CHD2: variants seen among roughly 807,000 people sequenced by gnomAD.
CHD2 encodes the protein chromodomain helicase DNA binding protein 2.
CHD2 carries 28 observed loss-of-function variants against 243.9 expected under a neutral mutation model. The observed-to-expected ratio is 0.11, with a 90% CI of 0.09 to 0.16. The LOEUF is 0.16. CHD2 is among the 10% of genes least tolerant of loss of function. The probability of loss-of-function intolerance (pLI) is 1.00; values close to 1 mark genes in which losing one functional copy is unlikely to be tolerated. For synonymous variants in CHD2, 775 were observed against 779.0 expected (o/e 0.99, Z 0.09); for missense variants, 1,386 against 2,209.8 (o/e 0.63, Z 7.47).
At chr15:92,935,167 C>G (rs1233297841) in intron 5 of CHD2, among the ~76,000 whole-genome samples, 1 of 151,980 alleles carries the variant, frequency 6.6e-6, no homozygotes, top group African/African-American at 2.4e-5. Flanking sequence ...TCCAGAGTAG[C>G]TGGGACTACG....
chr15:92,922,891 A>C (rs1329783601), intron 2 of CHD2, among the ~76,000 whole-genome samples: 1 of 151,918 alleles, frequency 6.6e-6, no homozygotes, highest in Non-Finnish European at 1.5e-5. Flanking sequence ...TTGATACTCT[A>C]TCACCCCTCA....
At chr15:92,908,247 G>A (rs1182458809) in intron 2 of CHD2, among the ~76,000 whole-genome samples, 3 of 151,930 alleles carry the variant, frequency 2.0e-5, no homozygotes, top group African/African-American at 7.3e-5. Flanking sequence ...CTGCTCCATG[G>A]ATATAAATGT....
chr15:92,947,940 A>G (rs1399896083), intron 12 of CHD2, among the ~76,000 whole-genome samples: 3 of 152,228 alleles, frequency 2.0e-5, no homozygotes, highest in African/African-American at 7.2e-5. Flanking sequence ...CTTTTTGGCC[A>G]TGTAACTTTG....
intron 8 of CHD2, among the ~76,000 whole-genome samples, 163 bp from the exon 9 acceptor site, chr15:92,942,680 G>T (rs542978393): frequency 4.4e-4 from 67 of 152,206 alleles, no homozygotes; most frequent in African/African-American, 1.5e-3. Context: ...TGAAATTTTT[G>T]ATTGAGTCCG....
At chr15:92,961,902 G>A (rs369671786) in intron 16 of CHD2, among the ~76,000 whole-genome samples, 2 of 30,104 alleles carry the variant, frequency 6.6e-5, no homozygotes, top group East Asian at 4.5e-3. Flanking sequence ...TTTTTTTTGA[G>A]ACTGAGTTTT....
At chr15:92,912,348 T>G (rs2052752000) in intron 2 of CHD2, among the ~76,000 whole-genome samples, 1 of 152,160 alleles carries the variant, frequency 6.6e-6, no homozygotes, top group African/African-American at 2.4e-5. Flanking sequence ...GGAATAGTTC[T>G]TGAGTGTGTT....
chr15:92,957,684 TTTTTAC>T (rs1457994486), intron 16 of CHD2, among the ~76,000 whole-genome samples: 1 of 151,954 alleles, frequency 6.6e-6, no homozygotes, highest in African/African-American at 2.4e-5. Context: ...TAAATTTTAT[TTTTTAC>T]TTTTATTTTT....
chr15:93,001,171 A>G (rs567367495), intron 32 of CHD2, among the ~76,000 whole-genome samples: 1 of 152,168 alleles, frequency 6.6e-6, no homozygotes, highest in Non-Finnish European at 1.5e-5. Context: ...CGCCCGTCCT[A>G]AAGTTTTAAT....
At chr15:93,004,377 C>G (rs1450848532) in intron 33 of CHD2, 1 of 354,144 alleles carries the variant, frequency 2.8e-6, no homozygotes, top group East Asian at 4.6e-5. Flanking sequence ...AAAAATAGCA[C>G]TGATGAAATT....
chr15:92,955,583 G>C, intron 15 of CHD2, 71 bp downstream of exon 15: 2 of 896,978 alleles, frequency 2.2e-6, no homozygotes, highest in South Asian at 3.6e-5. Flanking sequence ...GTCTGTTACT[G>C]TTCTGTGGAG....
intron 16 of CHD2, among the ~76,000 whole-genome samples, chr15:92,962,038 C>T (rs534652258): frequency 1.2e-4 from 18 of 151,870 alleles, no homozygotes; most frequent in African/African-American, 3.4e-4. Flanking sequence ...CCTGCCACCA[C>T]GCTTGGCTAA....
chr15:92,940,915 AATATAC>A (rs1308986161), intron 7 of CHD2, among the ~76,000 whole-genome samples: 1 of 140,470 alleles, frequency 7.1e-6, no homozygotes, highest in Non-Finnish European at 1.5e-5. Context: ...TATATATATA[AATATAC>A]ATATAAATAT....
intron 34 of CHD2, 100 bp downstream of exon 34, chr15:93,004,851 A>T: frequency 7.9e-7 from 1 of 1,265,086 alleles, no homozygotes; most frequent in Non-Finnish European, 1.1e-6. Context: ...GAGCTAAGCA[A>T]TAGTACATTA....
rs78763211 is a variant in CHD2 at position 93,023,231 on chromosome 15, T to A, written c.5154-1141T>A. Reference sequence around the variant, plus strand: ...CAGCCACCAGTTTGCATTCTGTCTCTCTGGATTTGCCTGTTCTAGACATTT... The same window carrying A: ...CAGCCACCAGTTTGCATTCTGTCTCACTGGATTTGCCTGTTCTAGACATTT... On this transcript the variant is annotated intron_variant, in intron 38 of 38. Transcript: ENST00000394196. 7.9e-3 allele frequency among the ~76,000 whole-genome samples: 1,209 copies of A among 152,350 alleles called. 25 individuals carry two copies. Among genetic ancestry groups the A allele is most frequent in the Non-Finnish European group, 7.7e-3 (527 of 68,024 alleles).
At chr15:92,977,389 AT>A (rs2141842167) in intron 20 of CHD2, among the ~76,000 whole-genome samples, 1 of 152,282 alleles carries the variant, frequency 6.6e-6, no homozygotes, top group African/African-American at 2.4e-5. Flanking sequence ...AAATATACCC[AT>A]TTATCAAGAT....
At chr15:92,981,301 TG>T in intron 23 of CHD2, 63 bp from the exon 24 acceptor site, 1 of 1,098,602 alleles carries the variant, frequency 9.1e-7, no homozygotes, top group Non-Finnish European at 1.4e-6. Context: ...GAATAATTTC[TG>T]GGCAACTAGG....
chr15:92,903,410 T>C (rs189574625), intron 2 of CHD2, among the ~76,000 whole-genome samples: 8 of 152,358 alleles, frequency 5.3e-5, no homozygotes, highest in Non-Finnish European at 5.9e-5. Flanking sequence ...AGAATTACTT[T>C]AGTATCTGGA....
At chr15:92,958,644 T>A (rs2053646039) in intron 16 of CHD2, among the ~76,000 whole-genome samples, 1 of 152,262 alleles carries the variant, frequency 6.6e-6, no homozygotes, top group Non-Finnish European at 1.5e-5. Flanking sequence ...AAGTGCTTTA[T>A]CAGTACAGTC....
chr15:92,975,056 T>A (rs2053889824), intron 20 of CHD2, 106 bp downstream of exon 20: 1 of 876,584 alleles, frequency 1.1e-6, no homozygotes, highest in African/African-American at 1.7e-5. Context: ...ATAGTGCAAT[T>A]CTTTTGCCTT....
Sources: allele counts gnomAD v4.1 joint callset (sites outside exome capture counted in the v4.1 genomes callset), GRCh38; gene constraint gnomAD v4.1.1; transcripts MANE v1.5; gene names NCBI Gene and HGNC (gene_info 2026-07-23, HGNC 2026-07-21).